Variants in XPR1 observed in about 807,000 individuals in gnomAD.
XPR1 encodes xenotropic and polytropic retrovirus receptor 1.
Under a neutral mutation model 87.5 loss-of-function variants are expected in XPR1, and 28 were observed. That is an observed-to-expected ratio of 0.32 (90% CI 0.24 to 0.44). XPR1 has a LOEUF of 0.44. XPR1 is among the 20% of genes least tolerant of loss of function. XPR1 has a pLI of 1.00. For missense variants in XPR1, 559 were observed against 862.3 expected, an observed-to-expected ratio of 0.65 and a Z score of 4.41; for synonymous variants, 300 against 306.1, an observed-to-expected ratio of 0.98 and a Z score of 0.21.
At chr1:180,691,017 T>A (rs1656975879) in intron 2 of XPR1, among the ~76,000 whole-genome samples, 1 of 152,076 alleles carries the variant, frequency 6.6e-6, no homozygotes, top group African/African-American at 2.4e-5. Context: ...TATTAGTAGT[T>A]GTTGTTTTAC....
At chr1:180,741,233 G>A (rs952633400) in intron 2 of XPR1, among the ~76,000 whole-genome samples, 4 of 152,072 alleles carry the variant, frequency 2.6e-5, no homozygotes, top group Non-Finnish European at 5.9e-5. Context: ...GCACAATCTC[G>A]GCTCACTGCA....
chr1:180,889,387 CTG>C lies in XPR1; in HGVS notation c.*5324_*5325del, dbSNP rs1196724051. Reference sequence around the variant, plus strand: ...CTTAGTTCTTCCTATGCCCTTTCCTCTGTGCCACCACAAATCAGAGGGAAAGA... The same window carrying C: ...CTTAGTTCTTCCTATGCCCTTTCCTCTGCCACCACAAATCAGAGGGAAAGA... On this transcript the variant is annotated 3_prime_UTR_variant, in exon 15 of 15. Coordinates refer to ENST00000367590, the MANE Select transcript of XPR1 (RefSeq NM_004736.4). The C allele has an allele frequency of 6.6e-6, 1 of 152,250 alleles. No homozygotes were observed. The highest frequency in any genetic ancestry group is 1.5e-5 in the Non-Finnish European group (1 of 68,062). The allele number at this position is 152,250 out of a possible 1,614,324, so 9.4% of individuals were successfully genotyped here. A position where few individuals can be genotyped will look rare whatever the true frequency, so the allele number is the denominator to read the frequency against.
intron 11 of XPR1, among the ~76,000 whole-genome samples, chr1:180,840,903 A>G (rs1007478052): frequency 3.3e-5 from 5 of 152,050 alleles, no homozygotes; most frequent in Admixed American, 3.3e-4. Flanking sequence ...ACATTCAGCA[A>G]GTACTTACTA....
intron 1 of XPR1, among the ~76,000 whole-genome samples, chr1:180,654,357 A>G (rs1033922614): frequency 2.6e-5 from 4 of 152,072 alleles, no homozygotes; most frequent in Admixed American, 6.6e-5. Flanking sequence ...AGTTTTTAAT[A>G]TCTATTCCTT....
intron 2 of XPR1, among the ~76,000 whole-genome samples, chr1:180,699,100 A>G (rs1310104317): frequency 1.3e-5 from 2 of 151,316 alleles, no homozygotes; most frequent in Admixed American, 6.6e-5. Context: ...TAGGCTTTTT[A>G]TATCTTTACC....
At chr1:180,725,539 T>C (rs894712745) in intron 2 of XPR1, among the ~76,000 whole-genome samples, 3 of 152,232 alleles carry the variant, frequency 2.0e-5, no homozygotes, top group African/African-American at 7.2e-5. Context: ...TATCCTTCAC[T>C]GTTTGGCTTT....
At chr1:180,835,494 G>A (rs1030713729) in intron 10 of XPR1, among the ~76,000 whole-genome samples, 44 of 149,118 alleles carry the variant, frequency 3.0e-4, no homozygotes, top group Non-Finnish European at 2.1e-4. Flanking sequence ...GGCCGTTTTC[G>A]CACCCCCCCC....
At chr1:180,835,947 C>T (rs1651270671) in intron 10 of XPR1, among the ~76,000 whole-genome samples, 1 of 152,126 alleles carries the variant, frequency 6.6e-6, no homozygotes, top group Non-Finnish European at 1.5e-5. Flanking sequence ...ACAGTTTTAT[C>T]ACACTCCAAA....
chr1:180,809,535 T>A (rs1650133792), intron 6 of XPR1, among the ~76,000 whole-genome samples: 3 of 152,226 alleles, frequency 2.0e-5, no homozygotes, highest in Non-Finnish European at 2.9e-5. Flanking sequence ...ACAAATTCTA[T>A]ACTTTAAGTA....
intron 11 of XPR1, among the ~76,000 whole-genome samples, chr1:180,861,242 A>C (rs1652210707): frequency 6.6e-6 from 1 of 152,064 alleles, no homozygotes. Flanking sequence ...CATACCTTAC[A>C]TTCAGTTTTT....
intron 2 of XPR1, among the ~76,000 whole-genome samples, chr1:180,750,334 A>G (rs1299059511): frequency 6.6e-6 from 1 of 152,170 alleles, no homozygotes; most frequent in Non-Finnish European, 1.5e-5. Flanking sequence ...ATTGCTGATC[A>G]TTGAAGAAAT....
intron 3 of XPR1, 72 bp downstream of exon 3, chr1:180,787,926 C>T: frequency 9.0e-7 from 1 of 1,108,710 alleles, no homozygotes. Flanking sequence ...GTTTAAACTT[C>T]TGATCAATGT....
chr1:180,749,396 T>TTG (rs956693918), intron 2 of XPR1, among the ~76,000 whole-genome samples: 1 of 152,206 alleles, frequency 6.6e-6, no homozygotes, highest in African/African-American at 2.4e-5. Context: ...TATATCTTTG[T>TTG]TGTTTCACTT....
chr1:180,781,323 C>T (rs1006144590), intron 2 of XPR1, among the ~76,000 whole-genome samples: 9 of 151,956 alleles, frequency 5.9e-5, no homozygotes, highest in African/African-American at 2.2e-4. Context: ...ACATAATCCC[C>T]ATCCTCCATG....
At chr1:180,659,047 T>G (rs1655638695) in intron 1 of XPR1, among the ~76,000 whole-genome samples, 1 of 152,164 alleles carries the variant, frequency 6.6e-6, no homozygotes, top group South Asian at 2.1e-4. Context: ...TCAATGTTCA[T>G]TAGGGATATT....
chr1:180,849,409 G>A (rs1378132003), intron 11 of XPR1, among the ~76,000 whole-genome samples: 1 of 152,128 alleles, frequency 6.6e-6, no homozygotes, highest in African/African-American at 2.4e-5. Context: ...ATTTTGGTGT[G>A]TATCTGAATT....
chr1:180,792,875 T>G (rs1294464978), intron 3 of XPR1, among the ~76,000 whole-genome samples: 2 of 152,084 alleles, frequency 1.3e-5, no homozygotes, highest in Admixed American at 6.5e-5. Context: ...AAATACTTAG[T>G]TTCTAAACAG....
At chr1:180,789,954 C>G (rs1026607745) in intron 3 of XPR1, among the ~76,000 whole-genome samples, 12 of 152,090 alleles carry the variant, frequency 7.9e-5, no homozygotes, top group African/African-American at 2.2e-4. Flanking sequence ...GGGTCCTAAT[C>G]AATATCATTT....
At chr1:180,774,600 G>A (rs1303821492) in intron 2 of XPR1, among the ~76,000 whole-genome samples, 2 of 151,460 alleles carry the variant, frequency 1.3e-5, no homozygotes, top group Non-Finnish European at 2.9e-5. Context: ...GTAGAGATGG[G>A]GTTTCACCGT....
Sources: gnomAD v4.1 joint callset for allele counts (sites outside exome capture counted in the v4.1 genomes callset) on GRCh38, gnomAD v4.1.1 for gene constraint, MANE v1.5 for transcripts, NCBI Gene and HGNC (gene_info 2026-07-23, HGNC 2026-07-21) for gene names.